The following AUTS2 variants were observed in gnomAD, a reference collection of about 807,000 sequenced individuals.
AUTS2 encodes the protein autism susceptibility gene 2 protein.
A neutral mutation model predicts 112.4 loss-of-function variants in AUTS2; 17 were observed. The ratio of observed to expected loss-of-function variants is 0.15; its 90% CI spans 0.10 to 0.23. The LOEUF (loss-of-function observed/expected upper bound fraction) is 0.23, where lower values mean the gene tolerates loss of function less well. Among genes scored for constraint, AUTS2 ranks in the 10% least tolerant of loss-of-function variants. AUTS2 has a pLI of 1.00. For missense variants in AUTS2, 1,510 were observed against 1,701.6 expected (o/e 0.89, Z 1.98); for synonymous variants, 751 against 702.7 (o/e 1.07, Z -1.09).
At chr7:70,621,749 A>T (rs1166250320) in intron 5 of AUTS2, among the ~76,000 whole-genome samples, 2 of 151,740 alleles carry the variant, frequency 1.3e-5, no homozygotes, top group Non-Finnish European at 2.9e-5. Flanking sequence ...AGTACAAACT[A>T]TAGCAAACAC....
chr7:70,481,750 A>G (rs1196482230), intron 5 of AUTS2, among the ~76,000 whole-genome samples: 1 of 152,154 alleles, frequency 6.6e-6, no homozygotes, highest in Non-Finnish European at 1.5e-5. Flanking sequence ...GTCCTATCTG[A>G]CGCCACAGTC....
At chr7:70,745,487 T>C (rs558906520) in intron 6 of AUTS2, among the ~76,000 whole-genome samples, 177 of 152,358 alleles carry the variant, frequency 1.2e-3, no homozygotes, top group African/African-American at 4.0e-3. Context: ...ATATGAATCC[T>C]CTGACAGCTC....
chr7:70,461,284 A>G (rs1369656988), intron 5 of AUTS2, among the ~76,000 whole-genome samples: 3 of 152,176 alleles, frequency 2.0e-5, no homozygotes, highest in Non-Finnish European at 4.4e-5. Context: ...TAATAATGTC[A>G]ATAGGAACGC....
At chr7:69,849,732 A>G (rs1792375046) in intron 1 of AUTS2, among the ~76,000 whole-genome samples, 1 of 152,150 alleles carries the variant, frequency 6.6e-6, no homozygotes, top group Non-Finnish European at 1.5e-5. Flanking sequence ...AACTCACTGT[A>G]ATGCTATCCA....
intron 5 of AUTS2, among the ~76,000 whole-genome samples, chr7:70,670,452 AT>A (rs1259868582): frequency 6.6e-6 from 1 of 152,234 alleles, no homozygotes; most frequent in African/African-American, 2.4e-5. Context: ...TGTCAGCATT[AT>A]TACAGAGTGA....
At chr7:69,927,793 C>G (rs1796080862) in intron 2 of AUTS2, among the ~76,000 whole-genome samples, 1 of 152,236 alleles carries the variant, frequency 6.6e-6, no homozygotes, top group African/African-American at 2.4e-5. Flanking sequence ...AGATGTACCA[C>G]AAGTGGCTTC....
intron 4 of AUTS2, among the ~76,000 whole-genome samples, chr7:70,376,510 T>C (rs1793090907): frequency 6.6e-6 from 1 of 151,898 alleles, no homozygotes; most frequent in Non-Finnish European, 1.5e-5. Context: ...CATGGGGGGA[T>C]ATCCTGGGTG....
At chr7:70,410,023 G>A (rs1794705815) in intron 4 of AUTS2, among the ~76,000 whole-genome samples, 1 of 152,204 alleles carries the variant, frequency 6.6e-6, no homozygotes, top group South Asian at 2.1e-4. Context: ...GCAGTAGGAA[G>A]CATTTCTTTT....
chr7:69,793,192 G>A (rs1397798526), intron 1 of AUTS2, among the ~76,000 whole-genome samples: 1 of 152,170 alleles, frequency 6.6e-6, no homozygotes, highest in African/African-American at 2.4e-5. Flanking sequence ...GAGGTGGCCT[G>A]CCTCCAGCAG....
chr7:69,613,613 T>C (rs1793158960), intron 1 of AUTS2, among the ~76,000 whole-genome samples: 1 of 152,210 alleles, frequency 6.6e-6, no homozygotes, highest in Non-Finnish European at 1.5e-5. Flanking sequence ...GGAACACAAA[T>C]GTAAAATTGG....
intron 4 of AUTS2, among the ~76,000 whole-genome samples, chr7:70,265,782 G>C (rs1263233131): frequency 6.6e-6 from 1 of 152,202 alleles, no homozygotes; most frequent in African/African-American, 2.4e-5. Flanking sequence ...CTGACAGCCA[G>C]TTGACAAGTC....
At chr7:69,858,049 C>T (rs1011607941) in intron 1 of AUTS2, among the ~76,000 whole-genome samples, 43 of 152,110 alleles carry the variant, frequency 2.8e-4, no homozygotes, top group Admixed American at 2.7e-3. Context: ...TCTGATGAGC[C>T]GTGCTCTGCT....
rs145046813 is a variant in AUTS2, at chr7:70,762,881, G to T, written c.754G>T (p.Gly252Cys). The change falls in exon 7 of 19, where the codon GGT becomes TGT. Residue 252 changes from glycine to cysteine, a missense_variant. Transcript: ENST00000342771. Reference sequence around the variant, plus strand: ...TCTCTCCCATGCAGATCCGGAGTTAGGTGTTGGCACGCTACCAGAACATGA... The same window carrying T: ...TCTCTCCCATGCAGATCCGGAGTTATGTGTTGGCACGCTACCAGAACATGA... ...TVIVNKDPEL[G>C]VGTLPEHDSQ... The T allele has an allele frequency of 3.7e-6, 6 of 1,612,772 alleles. No individual in the cohort carries two copies. In the South Asian group the frequency reaches 6.6e-5, roughly 18 times the overall value.
intron 14 of AUTS2, among the ~76,000 whole-genome samples, chr7:70,777,643 A>ATCTT (rs1249094725): frequency 2.6e-5 from 4 of 152,200 alleles, no homozygotes; most frequent in African/African-American, 9.6e-5. Flanking sequence ...CAGCTCAGAA[A>ATCTT]TCTTACTGTT....
At chr7:69,723,782 G>A (rs1026686768) in intron 1 of AUTS2, among the ~76,000 whole-genome samples, 1 of 152,154 alleles carries the variant, frequency 6.6e-6, no homozygotes. Flanking sequence ...GTGGACTATT[G>A]AGCTTCACAC....
At chr7:70,555,834 G>A (rs1000378240) in intron 5 of AUTS2, among the ~76,000 whole-genome samples, 7 of 147,464 alleles carry the variant, frequency 4.7e-5, no homozygotes, top group East Asian at 4.0e-4. Flanking sequence ...ACAGAGTCTC[G>A]TCGCTCTGTC....
chr7:70,361,728 GGA>G (rs1792277767), intron 4 of AUTS2, among the ~76,000 whole-genome samples: 1 of 152,132 alleles, frequency 6.6e-6, no homozygotes, highest in Non-Finnish European at 1.5e-5. Context: ...GCCAATTCAG[GGA>G]GTAAGTAATA....
At chr7:70,212,601 A>G (rs896101592) in intron 4 of AUTS2, among the ~76,000 whole-genome samples, 6 of 152,144 alleles carry the variant, frequency 3.9e-5, no homozygotes, top group Admixed American at 1.3e-4. Context: ...CGGCAAAGCA[A>G]CACAATTTTG....
chr7:70,618,648 AC>A (rs1563079767), intron 5 of AUTS2, among the ~76,000 whole-genome samples: 1 of 151,700 alleles, frequency 6.6e-6, no homozygotes, highest in Non-Finnish European at 1.5e-5. Context: ...GTGGGTTAGG[AC>A]CCCCTCACCC....
Sources: allele counts gnomAD v4.1 joint callset (sites outside exome capture counted in the v4.1 genomes callset), GRCh38; gene constraint gnomAD v4.1.1; transcripts MANE v1.5; gene names NCBI Gene and HGNC (gene_info 2026-07-23, HGNC 2026-07-21).